The following RNF14 variants were observed in gnomAD, a reference collection of about 807,000 sequenced individuals.
RNF14 encodes the protein ring finger protein 14.
A neutral mutation model predicts 52.6 loss-of-function variants in RNF14; 26 were observed. That is an observed-to-expected ratio of 0.49 (90% confidence interval 0.36 to 0.69). The LOEUF (loss-of-function observed/expected upper bound fraction) is 0.69, where lower values mean the gene tolerates loss of function less well. RNF14 is among the 30% of genes least tolerant of loss of function. RNF14 has a pLI of 0.00. For synonymous variants in RNF14, 194 were observed against 202.0 expected (o/e 0.96, Z 0.34); for missense variants, 404 against 560.4 (o/e 0.72, Z 2.82).
the RNF14 span, among the ~76,000 whole-genome samples, chr5:141,951,091 C>T: frequency 3.9e-5 from 6 of 152,280 alleles, no homozygotes; most frequent in African/African-American, 1.2e-4. Context: ...CAAAGGGACA[C>T]GCCCACACAG....
At chr5:141,973,767 A>G (rs1008202455) in intron 3 of RNF14, 25 bp downstream of exon 3, 4 of 1,556,464 alleles carry the variant, frequency 2.6e-6, no homozygotes, top group Non-Finnish European at 2.6e-6. Context: ...TCTTAAACAG[A>G]TTTTTCTATT....
At chr5:141,965,104 G>A (rs530593168), upstream of RNF14, among the ~76,000 whole-genome samples, 1 of 152,124 alleles carries the variant, frequency 6.6e-6, no homozygotes, top group Non-Finnish European at 1.5e-5. Context: ...AGTTGGGCAG[G>A]GTTTTCCTCT....
chr5:141,973,891 A>C (rs1432896865), intron 3 of RNF14, 149 bp downstream of exon 3: 8 of 656,328 alleles, frequency 1.2e-5, no homozygotes, highest in African/African-American at 1.1e-4. Context: ...TGAAAATTGC[A>C]ATGAGGGGCA....
upstream of RNF14, chr5:141,955,126 G>A: frequency 6.2e-7 from 1 of 1,614,224 alleles, no homozygotes; most frequent in Non-Finnish European, 8.5e-7. This position sits in a 1 kb window ranked among gnomAD's most constrained non-coding sequence, Gnocchi z 5.5. Flanking sequence ...CCGTCTCAGG[G>A]TTGCAGAGGA....
chr5:141,949,511 C>A, the RNF14 span: 1 of 1,614,172 alleles, frequency 6.2e-7, no homozygotes, highest in Admixed American at 1.7e-5. Flanking sequence ...GATCCAAAGG[C>A]CCTTCCTCCT....
intron 8 of RNF14, among the ~76,000 whole-genome samples, chr5:141,985,840 A>T (rs1163130484): frequency 6.6e-6 from 1 of 152,214 alleles, no homozygotes; most frequent in Admixed American, 6.5e-5. Context: ...GGCGTGAGCC[A>T]CCACACCCAG....
upstream of RNF14, among the ~76,000 whole-genome samples, chr5:141,964,767 C>A (rs1168454923): frequency 6.9e-6 from 1 of 144,722 alleles, no homozygotes; most frequent in Admixed American, 7.2e-5. Flanking sequence ...GTGCCCGCCA[C>A]CAAGCCCGGC....
upstream of RNF14, among the ~76,000 whole-genome samples, chr5:141,954,539 G>A (rs754745460): frequency 6.6e-6 from 1 of 152,226 alleles, no homozygotes; most frequent in Admixed American, 6.5e-5. Flanking sequence ...CAACAGAGAT[G>A]TTAACTTCCT....
chr5:141,984,962 A>C, intron 8 of RNF14, 29 bp downstream of exon 8: 1 of 1,588,842 alleles, frequency 6.3e-7, no homozygotes, highest in East Asian at 2.3e-5. Flanking sequence ...CCTCAGGCTC[A>C]CCAGCAATTT....
rs1005286259 is a variant in RNF14, at chr5:141,975,937, A to G, written c.306+982A>G. The stretch of plus-strand genomic sequence containing the variant: ...GAGACCCTGTCTCAAAAAAAAAAAA[A>G]AAAGAAAAAGACAAAAGATGTCAGA... On this transcript the variant is annotated intron_variant, in intron 4 of 8. Coordinates refer to ENST00000394520, the MANE Select transcript of RNF14 (RefSeq NM_004290.5). Among the ~76,000 whole-genome samples, 4 of 151,902 alleles carry G rather than the reference A, an allele frequency of 2.6e-5. No individual in the cohort carries two copies. In the East Asian group the frequency reaches 7.7e-4, roughly 29 times the overall value.
the RNF14 span, among the ~76,000 whole-genome samples, chr5:141,951,003 C>G: frequency 6.6e-6 from 1 of 152,204 alleles, no homozygotes; most frequent in Admixed American, 6.5e-5. Flanking sequence ...TCAAGCTACT[C>G]AGAGCCTCAG....
In RNF14 at chr5:141,978,812, G is replaced by T; in HGVS notation, c.816G>T (p.Ser272=). The T allele has an allele frequency of 6.2e-7, 1 of 1,613,710 alleles. No individual in the cohort carries two copies. The highest frequency in any genetic ancestry group is 8.5e-7 in the Non-Finnish European group (1 of 1,179,656). ...CLNCPEPKCP[S]VATPGQVKEL... ...ACTGCCCAGAACCAAAGTGCCCTTC[G>T]GTGGCCACTCCTGGTCAGGTAACTG... Residue 272 remains serine, a synonymous_variant, in exon 5 of 9, where the codon TCG becomes TCT. Coordinates refer to ENST00000394520, the MANE Select transcript of RNF14 (RefSeq NM_004290.5).
At chr5:141,951,630 G>T in the RNF14 span, 1 of 1,399,426 alleles carries the variant, frequency 7.1e-7, no homozygotes, top group South Asian at 1.2e-5. Context: ...ACACAATTCC[G>T]ACTCAGCACA....
intron 2 of RNF14, 95 bp downstream of exon 2, chr5:141,970,972 G>A (rs868834978): frequency 6.6e-6 from 1 of 152,212 alleles, no homozygotes; most frequent in Non-Finnish European, 1.5e-5. Context: ...GAAAAAAAGT[G>A]TTTTTTGAAA....
upstream of RNF14, chr5:141,955,055 G>T (rs755272537): frequency 1.2e-6 from 2 of 1,614,230 alleles, no homozygotes; most frequent in South Asian, 1.1e-5. The surrounding 1 kb of genome is among the most constrained non-coding windows in gnomAD (Gnocchi z 5.5). Context: ...ACCAGGCTCC[G>T]CAGGATCTGA....
intron 4 of RNF14, among the ~76,000 whole-genome samples, chr5:141,975,179 GGAGTAATTTTTAATCAAGTA>G (rs1754135895): frequency 6.6e-6 from 1 of 152,162 alleles, no homozygotes; most frequent in Admixed American, 6.5e-5. Flanking sequence ...AATTGTAGTA[GGAGTAATTTTTAATCAAGTA>G]TATTATTTCT....
intron 8 of RNF14, 42 bp from the exon 9 acceptor site, chr5:141,987,691 T>G (rs368646575): frequency 3.1e-6 from 5 of 1,587,688 alleles, no homozygotes; most frequent in Admixed American, 1.7e-5. Flanking sequence ...TTATATTGTT[T>G]CGTTCAAGTG....
At chr5:141,975,722 A>C (rs983147539) in intron 4 of RNF14, among the ~76,000 whole-genome samples, 2 of 152,102 alleles carry the variant, frequency 1.3e-5, no homozygotes, top group Non-Finnish European at 2.9e-5. Flanking sequence ...TATTAAGACA[A>C]AAGCTCAGCC....
chr5:141,980,406 A>C, intron 6 of RNF14, 55 bp downstream of exon 6: 1 of 1,304,536 alleles, frequency 7.7e-7, no homozygotes, highest in East Asian at 2.3e-5. Context: ...CTCACATTTC[A>C]CTCTACTACC....
Sources: gnomAD v4.1 joint callset for allele counts (sites outside exome capture counted in the v4.1 genomes callset) on GRCh38, gnomAD v4.1.1 for gene constraint, Gnocchi (gnomAD v3.1) non-coding constraint, MANE v1.5 for transcripts, NCBI Gene and HGNC (gene_info 2026-07-23, HGNC 2026-07-21) for gene names.